Variants in SNTG1 observed in about 807,000 individuals in gnomAD.
The protein encoded by SNTG1 is syntrophin gamma 1, also known as gamma-1-syntrophin.
SNTG1 carries 39 observed loss-of-function variants against 74.7 expected under a neutral mutation model. That is an observed-to-expected ratio of 0.52 (90% CI 0.40 to 0.68). The LOEUF (loss-of-function observed/expected upper bound fraction) is 0.68. SNTG1 is among the 30% of genes least tolerant of loss of function. The pLI, the probability that SNTG1 is intolerant of heterozygous loss-of-function variation, is 0.00. For missense variants in SNTG1, 685 were observed against 609.5 expected, an observed-to-expected ratio of 1.12 and a Z score of -1.30; for synonymous variants, 254 against 217.1, an observed-to-expected ratio of 1.17 and a Z score of -1.49.
At chr8:50,513,856 C>A (rs1214425349) in intron 9 of SNTG1, among the ~76,000 whole-genome samples, 2 of 152,216 alleles carry the variant, frequency 1.3e-5, no homozygotes, top group South Asian at 2.1e-4. Context: ...TGACCCCTTG[C>A]ACTTCCTAGG....
At chr8:49,974,396 A>G (rs1007037721) in intron 1 of SNTG1, among the ~76,000 whole-genome samples, 17 of 152,352 alleles carry the variant, frequency 1.1e-4, no homozygotes, top group African/African-American at 3.4e-4. Context: ...GAGTTAAAGC[A>G]TGAATAAAAC....
chr8:50,342,900 G>A (rs1462373663), intron 2 of SNTG1, among the ~76,000 whole-genome samples: 3 of 152,126 alleles, frequency 2.0e-5, no homozygotes, highest in African/African-American at 7.2e-5. Context: ...TGAAGCAAAG[G>A]AGTTCTAGAG....
chr8:50,776,990 T>C (rs1585765812), intron 18 of SNTG1, among the ~76,000 whole-genome samples: 1 of 151,930 alleles, frequency 6.6e-6, no homozygotes, highest in South Asian at 2.1e-4. Flanking sequence ...GTTTTATTTC[T>C]CTCTTGCTGC....
chr8:50,787,850 TGAG>T (rs1226516937), intron 18 of SNTG1, among the ~76,000 whole-genome samples: 3 of 151,786 alleles, frequency 2.0e-5, no homozygotes, highest in African/African-American at 7.3e-5. Context: ...AGAGAGGAAA[TGAG>T]GAGTGACTTG....
At chr8:49,952,265 G>T (rs1200248297) in intron 1 of SNTG1, among the ~76,000 whole-genome samples, 1 of 152,148 alleles carries the variant, frequency 6.6e-6, no homozygotes, top group East Asian at 1.9e-4. Flanking sequence ...ACAGTAGACA[G>T]ATTATGAGAA....
chr8:50,688,241 G>A (rs1477022188), intron 15 of SNTG1, among the ~76,000 whole-genome samples: 1 of 152,092 alleles, frequency 6.6e-6, no homozygotes, highest in Non-Finnish European at 1.5e-5. Context: ...CTTTTGCTGT[G>A]CAGAAGCTCT....
intron 1 of SNTG1, among the ~76,000 whole-genome samples, chr8:50,164,831 G>T (rs929436290): frequency 4.6e-5 from 7 of 152,026 alleles, no homozygotes; most frequent in African/African-American, 1.7e-4. Context: ...ATGCTCCTTG[G>T]CTTTATTAAA....
chr8:50,068,951 C>A (rs182551295), intron 1 of SNTG1, among the ~76,000 whole-genome samples: 29 of 152,314 alleles, frequency 1.9e-4, no homozygotes, highest in Non-Finnish European at 2.9e-5. Context: ...CATGTCTGAT[C>A]TCTTCATTGC....
chr8:50,295,187 G>T (rs922110977), intron 2 of SNTG1, among the ~76,000 whole-genome samples: 2 of 152,074 alleles, frequency 1.3e-5, no homozygotes, highest in Non-Finnish European at 2.9e-5. Flanking sequence ...CATTCTTAAG[G>T]ATACGTTTTA....
Position 50,237,327 on chromosome 8 carries a change from A to G in SNTG1, c.-28+64692A>G, listed in dbSNP as rs565675307. 1.2e-3 allele frequency among the ~76,000 whole-genome samples: 178 copies of G among 152,254 alleles called. 3 individuals are homozygous for G. The South Asian group carries it at 0.036, about 31-fold the overall frequency. ...CTAAGGTTGATAAAATTCGGGTTCC[A>G]TTATTTTTGGCAAGAATACTTTATT... On this transcript the variant is annotated intron_variant, in intron 2 of 18. Coordinates refer to ENST00000642720, the MANE Select transcript of SNTG1 (RefSeq NM_018967.5).
At chr8:50,410,229 T>C (rs1047411571) in intron 4 of SNTG1, among the ~76,000 whole-genome samples, 1 of 152,146 alleles carries the variant, frequency 6.6e-6, no homozygotes, top group Non-Finnish European at 1.5e-5. Flanking sequence ...ATGGATAGAT[T>C]CTTAATAGGT....
intron 2 of SNTG1, among the ~76,000 whole-genome samples, chr8:50,192,969 G>C (rs1460790243): frequency 1.3e-5 from 2 of 151,924 alleles, no homozygotes; most frequent in African/African-American, 4.8e-5. Context: ...TAAGTATTTG[G>C]GTTTATTTCT....
chr8:50,516,364 T>C (rs2094134097), intron 9 of SNTG1, among the ~76,000 whole-genome samples: 1 of 151,994 alleles, frequency 6.6e-6, no homozygotes. Flanking sequence ...GTCTGAAAAT[T>C]CCAAAAACCA....
intron 1 of SNTG1, among the ~76,000 whole-genome samples, chr8:50,107,832 T>A (rs2080438464): frequency 6.6e-6 from 1 of 152,168 alleles, no homozygotes; most frequent in African/African-American, 2.4e-5. Flanking sequence ...ATTACAGGCA[T>A]GAACCACCAT....
chr8:49,988,871 A>G (rs1434797310), intron 1 of SNTG1, among the ~76,000 whole-genome samples: 1 of 151,974 alleles, frequency 6.6e-6, no homozygotes, highest in African/African-American at 2.4e-5. Flanking sequence ...AAGCAGCAAA[A>G]TAAACAGAAA....
At chr8:50,481,126 T>C (rs2093736416) in intron 8 of SNTG1, among the ~76,000 whole-genome samples, 1 of 152,196 alleles carries the variant, frequency 6.6e-6, no homozygotes, top group South Asian at 2.1e-4. Context: ...CTCACGCCTG[T>C]AATCCCAGCA....
At chr8:49,943,967 A>G (rs568895155) in intron 1 of SNTG1, among the ~76,000 whole-genome samples, 3 of 152,354 alleles carry the variant, frequency 2.0e-5, no homozygotes, top group Admixed American at 2.0e-4. Context: ...ATTATAGTTC[A>G]AAAGCAAATA....
At chr8:50,381,390 A>G (rs1049829354) in intron 2 of SNTG1, among the ~76,000 whole-genome samples, 1 of 151,606 alleles carries the variant, frequency 6.6e-6, no homozygotes, top group African/African-American at 2.4e-5. Flanking sequence ...AGCATTAAAA[A>G]TTTCATATCT....
At chr8:50,367,798 C>T (rs2092157271) in intron 2 of SNTG1, among the ~76,000 whole-genome samples, 1 of 152,098 alleles carries the variant, frequency 6.6e-6, no homozygotes, top group Non-Finnish European at 1.5e-5. Context: ...CACACACGCA[C>T]ACATGCACCC....
Sources: gnomAD v4.1 joint callset for allele counts (sites outside exome capture counted in the v4.1 genomes callset) on GRCh38, gnomAD v4.1.1 for gene constraint, MANE v1.5 for transcripts, NCBI Gene and HGNC (gene_info 2026-07-23, HGNC 2026-07-21) for gene names.